VWC2L: variants seen among roughly 807,000 people sequenced by gnomAD.
VWC2L encodes the protein von Willebrand factor C domain-containing protein 2-like.
In VWC2L, 10 loss-of-function variants were observed where a neutral mutation model predicts 21.6. That is an observed-to-expected ratio of 0.46 (90% confidence interval 0.29 to 0.78). The LOEUF is 0.78. Ranked by LOEUF, VWC2L falls within the 30% of genes least tolerant of loss-of-function variation. The pLI is 0.10. For synonymous variants in VWC2L, 96 were observed against 94.3 expected (o/e 1.02, Z -0.10); for missense variants, 209 against 277.1 (o/e 0.75, Z 1.74).
Position 214,414,252 on chromosome 2 carries a change from C to T in VWC2L, c.59C>T (p.Thr20Ile), listed in dbSNP as rs1466360415. The change falls in exon 2 of 4, where the codon ACC (threonine) becomes ATC (isoleucine). Residue 20 changes from threonine to isoleucine, a missense_variant. Thr to Ile is a moderately conservative substitution (Grantham distance 89). Coordinates refer to ENST00000312504, the MANE Select transcript of VWC2L (RefSeq NM_001080500.4). ...ILLLVIPGLVTSAAISHEDYP... is the reference protein window; with the variant it reads ...ILLLVIPGLVISAAISHEDYP... ...CTGTTGGTCATCCCTGGATTGGTCA[C>T]CTCTGCTGCTATCAGTCATGAAGAC... 1.2e-5 allele frequency: 19 copies of T among 1,613,648 alleles called. No individual in the cohort carries two copies. Among genetic ancestry groups the T allele is most frequent in the Non-Finnish European group, 1.5e-5 (18 of 1,179,802 alleles).
chr2:214,430,463 A>G (rs2126176149), intron 2 of VWC2L, among the ~76,000 whole-genome samples: 1 of 152,280 alleles, frequency 6.6e-6, no homozygotes, highest in South Asian at 2.1e-4. Context: ...GGAGTAGGAG[A>G]GATATATAGT....
chr2:214,430,523 A>C (rs1702584623), intron 2 of VWC2L, among the ~76,000 whole-genome samples: 1 of 152,208 alleles, frequency 6.6e-6, no homozygotes, highest in Non-Finnish European at 1.5e-5. Context: ...TGTATGTTTA[A>C]TGAATATGCT....
chr2:214,478,394 G>A (rs556245343), intron 3 of VWC2L, among the ~76,000 whole-genome samples: 145 of 151,464 alleles, frequency 9.6e-4, no homozygotes, highest in African/African-American at 3.2e-3. Context: ...CAGGAGAATC[G>A]CTTGAACCCA....
At chr2:214,531,940 A>G (rs759701953) in intron 3 of VWC2L, among the ~76,000 whole-genome samples, 2 of 152,122 alleles carry the variant, frequency 1.3e-5, no homozygotes, top group Non-Finnish European at 2.9e-5. Context: ...ACAGTGTTTC[A>G]ATCTTCATAA....
chr2:214,457,669 C>A (rs1413825454), intron 3 of VWC2L, among the ~76,000 whole-genome samples: 1 of 151,904 alleles, frequency 6.6e-6, no homozygotes, highest in Non-Finnish European at 1.5e-5. Flanking sequence ...GTTCCAAGCC[C>A]AGTGTTTTTA....
chr2:214,554,198 C>T (rs13012440), intron 3 of VWC2L, among the ~76,000 whole-genome samples: 97,688 of 152,026 alleles, frequency 0.64, 34,576 homozygotes, highest in East Asian at 0.83. Context: ...GTCCCCTGTA[C>T]ATTCTTCTGT....
intron 3 of VWC2L, among the ~76,000 whole-genome samples, chr2:214,529,618 C>CA (rs1394945966): frequency 2.6e-5 from 4 of 152,122 alleles, no homozygotes; most frequent in African/African-American, 9.7e-5. Context: ...GCACTTGTAT[C>CA]AAAGCCATTC....
At chr2:214,472,790 GAGCCA>G (rs1321656300) in intron 3 of VWC2L, among the ~76,000 whole-genome samples, 1 of 152,164 alleles carries the variant, frequency 6.6e-6, no homozygotes, top group Non-Finnish European at 1.5e-5. Context: ...TTAGAAATTA[GAGCCA>G]ACAAGTCTAT....
chr2:214,543,299 G>A (rs1490053436), intron 3 of VWC2L, among the ~76,000 whole-genome samples: 3 of 152,142 alleles, frequency 2.0e-5, no homozygotes. Context: ...TCTCCATAGA[G>A]TGTTTACCTT....
chr2:214,441,513 A>G (rs1162323126), intron 3 of VWC2L, among the ~76,000 whole-genome samples: 1 of 152,152 alleles, frequency 6.6e-6, no homozygotes, highest in Non-Finnish European at 1.5e-5. Flanking sequence ...TCATATCAGC[A>G]AAAGTATTGA....
At chr2:214,486,138 C>T (rs1688669447) in intron 3 of VWC2L, among the ~76,000 whole-genome samples, 1 of 152,092 alleles carries the variant, frequency 6.6e-6, no homozygotes. Flanking sequence ...ATTATATACC[C>T]AGAGCCCTTT....
At chr2:214,502,071 A>G (rs1273658724) in intron 3 of VWC2L, among the ~76,000 whole-genome samples, 3 of 152,224 alleles carry the variant, frequency 2.0e-5, no homozygotes, top group African/African-American at 7.2e-5. Context: ...CATGTTTTGG[A>G]GGTAGTTTGT....
intron 3 of VWC2L, among the ~76,000 whole-genome samples, chr2:214,480,832 G>C (rs150393387): frequency 4.0e-5 from 4 of 100,856 alleles, no homozygotes; most frequent in African/African-American, 1.5e-4. Context: ...GGCTGAAAAA[G>C]TCTTCTTTAT....
rs556432096 is a variant in VWC2L, at chr2:214,500,924, T to A, written c.520+64166T>A. On this transcript the variant is annotated intron_variant, in intron 3 of 3. Transcript: ENST00000312504. ...TTTCATCACTCACTCTTGATGAAAC[T>A]ATGAGACATTTGTCATAATTTCTAA... Among the ~76,000 whole-genome samples the A allele has an allele frequency of 5.9e-5, 9 of 152,370 alleles. 1 individual carries two copies. In the South Asian group the frequency reaches 1.9e-3, roughly 32 times the overall value.
At chr2:214,480,673 G>A (rs1432864228) in intron 3 of VWC2L, among the ~76,000 whole-genome samples, 1 of 151,828 alleles carries the variant, frequency 6.6e-6, no homozygotes, top group Non-Finnish European at 1.5e-5. Flanking sequence ...ATCCAAGATG[G>A]CTACTGGAAC....
chr2:214,554,765 T>C (rs1195841061), intron 3 of VWC2L, among the ~76,000 whole-genome samples: 1 of 152,224 alleles, frequency 6.6e-6, no homozygotes, highest in African/African-American at 2.4e-5. Context: ...ACAGACTCTT[T>C]GTAGCAATAA....
intron 3 of VWC2L, among the ~76,000 whole-genome samples, chr2:214,463,262 T>C (rs1279412637): frequency 1.3e-5 from 2 of 152,188 alleles, no homozygotes; most frequent in Non-Finnish European, 2.9e-5. Flanking sequence ...TTATTAACTT[T>C]TGCTTCTAGT....
At chr2:214,497,371 T>A (rs1332393941) in intron 3 of VWC2L, among the ~76,000 whole-genome samples, 1 of 152,212 alleles carries the variant, frequency 6.6e-6, no homozygotes, top group Non-Finnish European at 1.5e-5. Context: ...TGTTTGTAAA[T>A]GTTTATATTC....
intron 2 of VWC2L, among the ~76,000 whole-genome samples, chr2:214,423,448 T>C (rs1276292223): frequency 1.3e-5 from 2 of 152,194 alleles, no homozygotes; most frequent in Admixed American, 6.5e-5. Flanking sequence ...TTTCCTGTGA[T>C]CTTTTTTCTA....
Sources: gnomAD v4.1 joint callset for allele counts (sites outside exome capture counted in the v4.1 genomes callset) on GRCh38, gnomAD v4.1.1 for gene constraint, MANE v1.5 for transcripts, NCBI Gene and HGNC (gene_info 2026-07-23, HGNC 2026-07-21) for gene names.